The following SPATA13 variants were observed in gnomAD, a reference collection of about 807,000 sequenced individuals.
SPATA13 encodes the protein spermatogenesis associated 13, also known as spermatogenesis-associated protein 13.
SPATA13 carries 50 observed loss-of-function variants against 104.0 expected under a neutral mutation model. The ratio of observed to expected loss-of-function variants is 0.48; its 90% CI spans 0.38 to 0.61. The LOEUF is 0.61. SPATA13 is among the 20% of genes least tolerant of loss of function. The pLI, the probability that SPATA13 is intolerant of heterozygous loss-of-function variation, is 0.00. For missense variants in SPATA13, 1,524 were observed against 1,690.6 expected, an observed-to-expected ratio of 0.90 and a Z score of 1.73; for synonymous variants, 606 against 667.5, an observed-to-expected ratio of 0.91 and a Z score of 1.42.
intron 2 of SPATA13, among the ~76,000 whole-genome samples, chr13:24,242,204 G>A (rs542831372): frequency 4.6e-5 from 7 of 152,334 alleles, no homozygotes; most frequent in African/African-American, 1.4e-4. Flanking sequence ...GGCAAGGAGA[G>A]AGAGAGGAAG....
chr13:24,009,832 G>GGTAT (rs903468865), intron 2 of SPATA13, among the ~76,000 whole-genome samples: 41 of 151,996 alleles, frequency 2.7e-4, no homozygotes, highest in Admixed American at 1.8e-3. Context: ...AAAGGAGGAG[G>GGTAT]GTATAATGAG....
intron 3 of SPATA13, among the ~76,000 whole-genome samples, chr13:24,072,568 C>G (rs180745443): frequency 6.6e-6 from 1 of 152,330 alleles, no homozygotes; most frequent in African/African-American, 2.4e-5. Context: ...CCAGCCCCTC[C>G]TGCTCACACA....
chr13:24,085,191 G>T (rs1879677907), intron 3 of SPATA13, among the ~76,000 whole-genome samples: 1 of 152,052 alleles, frequency 6.6e-6, no homozygotes, highest in Non-Finnish European at 1.5e-5. Context: ...GGTGCAATCT[G>T]GGCTCACTGC....
At chr13:24,122,477 C>G in intron 3 of SPATA13, 1 of 1,608,264 alleles carries the variant, frequency 6.2e-7, no homozygotes, top group East Asian at 2.2e-5. Flanking sequence ...GCCAGAATCT[C>G]CAAATATTCT....
Position 24,251,704 on chromosome 13 carries a change from CT to C in SPATA13, c.2020-11del. ...TCCTGGTACCTCCTCACAGATTTTG[CT>C]TTCTTTTTGCAGCCGGCTTCCAGGC... is the stretch of plus-strand genomic sequence containing the variant. On this transcript the variant is annotated splice_polypyrimidine_tract_variant and intron_variant, in intron 3 of 12. Transcript: ENST00000382108. The C allele has an allele frequency of 6.2e-7, 1 of 1,613,038 alleles. No individual in the cohort carries two copies. Among genetic ancestry groups the C allele is most frequent in the Non-Finnish European group, 8.5e-7 (1 of 1,179,260 alleles).
intron 3 of SPATA13, among the ~76,000 whole-genome samples, chr13:24,147,872 T>A (rs1881984496): frequency 6.6e-6 from 1 of 152,212 alleles, no homozygotes. Context: ...TGTGATTGGT[T>A]CATTTCATTT....
At position 24,223,580 on chromosome 13, in the gene SPATA13, G is replaced by A. The variant is rs1465226852; in HGVS notation, c.651G>A (p.Ala217=). 15 of 1,550,058 alleles carry A rather than the reference G, an allele frequency of 9.7e-6. No individual in the cohort carries two copies. The highest frequency in any genetic ancestry group is 7.8e-5 in the Admixed American group (4 of 50,990). ...TGGGCCGCATCTGCCTGCTGGATGC[G>A]CCCCAGAACCATGCGACACCCACGA... The part of the protein sequence containing the change: ...YGLGRICLLD[A]PQNHATPTIA... Residue 217 remains alanine (A), a synonymous_variant, in exon 2 of 13, where the codon GCG becomes GCA. Coordinates refer to ENST00000382108, the MANE Select transcript of SPATA13 (RefSeq NM_001166271.3).
intron 1 of SPATA13, among the ~76,000 whole-genome samples, chr13:24,179,552 A>G (rs1219780767): frequency 6.6e-6 from 1 of 152,108 alleles, no homozygotes; most frequent in Non-Finnish European, 1.5e-5. Context: ...ACCAATCTCC[A>G]GAATCTTTTT....
At chr13:24,172,479 C>T (rs1036261761) in intron 1 of SPATA13, among the ~76,000 whole-genome samples, 3 of 152,166 alleles carry the variant, frequency 2.0e-5, no homozygotes, top group South Asian at 2.1e-4. Flanking sequence ...CTAAAACGTT[C>T]GTGGTTTTTC....
chr13:24,278,636 C>A, intron 4 of SPATA13: 2 of 1,478,702 alleles, frequency 1.4e-6, no homozygotes, highest in South Asian at 1.4e-5. Flanking sequence ...TATCATCATT[C>A]CACTTGAGGC....
chr13:24,123,746 T>G, intron 3 of SPATA13: 1 of 1,476,196 alleles, frequency 6.8e-7, no homozygotes, highest in South Asian at 1.1e-5. Context: ...AAATAACATC[T>G]TGGATAATGC....
At chr13:24,134,106 C>T (rs746407071) in intron 3 of SPATA13, among the ~76,000 whole-genome samples, 3 of 152,140 alleles carry the variant, frequency 2.0e-5, no homozygotes, top group Non-Finnish European at 4.4e-5. Context: ...TAGAATGGTA[C>T]CCAGATAGAA....
chr13:24,180,934 T>C (rs1868764394), intron 1 of SPATA13, among the ~76,000 whole-genome samples: 1 of 152,242 alleles, frequency 6.6e-6, no homozygotes, highest in African/African-American at 2.4e-5. Context: ...TGGTACAGCC[T>C]ACAACACACC....
chr13:24,291,142 G>A (rs1363610978), intron 9 of SPATA13, among the ~76,000 whole-genome samples: 7 of 152,164 alleles, frequency 4.6e-5, no homozygotes, highest in African/African-American at 1.7e-4. Context: ...AGTGCATGGC[G>A]GCTTTTGTTG....
intron 2 of SPATA13, among the ~76,000 whole-genome samples, chr13:24,248,619 T>A (rs1873296630): frequency 6.6e-6 from 1 of 152,194 alleles, no homozygotes; most frequent in Admixed American, 6.5e-5. Flanking sequence ...GTTCTTTGAA[T>A]CCTCGTTCAG....
At chr13:24,119,790 C>G (rs2137822916) in intron 3 of SPATA13, among the ~76,000 whole-genome samples, 1 of 152,330 alleles carries the variant, frequency 6.6e-6, no homozygotes, top group African/African-American at 2.4e-5. Context: ...GGGAGAGCTT[C>G]CCAAGGCCCA....
chr13:24,067,127 C>A (rs1250959430), intron 3 of SPATA13, among the ~76,000 whole-genome samples: 1 of 152,168 alleles, frequency 6.6e-6, no homozygotes, highest in African/African-American at 2.4e-5. Flanking sequence ...CTGCCCCACA[C>A]CCCACCAAGC....
At chr13:24,251,428 A>G (rs2138663668) in intron 3 of SPATA13, 2 of 973,732 alleles carry the variant, frequency 2.1e-6, no homozygotes, top group Middle Eastern at 1.1e-3. Flanking sequence ...ATGTGCCTTC[A>G]TCTTCTCAGA....
chr13:24,182,993 C>T (rs1868909668), intron 1 of SPATA13, among the ~76,000 whole-genome samples: 1 of 152,142 alleles, frequency 6.6e-6, no homozygotes, highest in African/African-American at 2.4e-5. Flanking sequence ...TATCAGTACA[C>T]TTGGAATCAG....
Sources: allele counts gnomAD v4.1 joint callset (sites outside exome capture counted in the v4.1 genomes callset), GRCh38; gene constraint gnomAD v4.1.1; transcripts MANE v1.5; gene names NCBI Gene and HGNC (gene_info 2026-07-23, HGNC 2026-07-21).